Variants in RNF217 observed in about 807,000 individuals in gnomAD.
The protein encoded by RNF217 is ring finger protein 217.
Under a neutral mutation model 57.8 loss-of-function variants are expected in RNF217, and 31 were observed. The ratio of observed to expected loss-of-function variants is 0.54; its 90% confidence interval spans 0.40 to 0.72. RNF217 has a LOEUF of 0.72. Among genes scored for constraint, RNF217 ranks in the 30% least tolerant of loss-of-function variants. RNF217 has a pLI of 0.00. For synonymous variants in RNF217, 313 were observed against 294.0 expected (o/e 1.06, Z -0.66); for missense variants, 696 against 708.3 (o/e 0.98, Z 0.20).
rs1582794033 is a variant in RNF217 at position 125,090,183 on chromosome 6, T to C, written c.*7246T>C. On this transcript the variant is annotated 3_prime_UTR_variant, in exon 6 of 6. Coordinates refer to ENST00000521654, the MANE Select transcript of RNF217 (RefSeq NM_001286398.3). ...CATAGAATAATAATTAGTTTGTATA[T>C]ATATAAAACCATTTACCTTGACAAG... 1 of 152,136 alleles carries C rather than the reference T, an allele frequency of 6.6e-6. No homozygotes were observed. The highest frequency in any genetic ancestry group is 1.9e-4 in the East Asian group (1 of 5,194). The allele number at this position is 152,136 out of a possible 1,614,324, so 9.4% of individuals were successfully genotyped here.
At chr6:125,049,183 T>TA (rs1052366814) in intron 2 of RNF217, among the ~76,000 whole-genome samples, 15 of 151,928 alleles carry the variant, frequency 9.9e-5, no homozygotes, top group Non-Finnish European at 1.8e-4. Flanking sequence ...GATGGAGAAA[T>TA]AAAAAAATGT....
At position 124,962,962 on chromosome 6, in the gene RNF217, G is replaced by T. The variant is rs1331066463; in HGVS notation, c.418G>T (p.Gly140Trp). The T allele has an allele frequency of 1.3e-6, 2 of 1,597,216 alleles. No individual in the cohort carries two copies. The highest frequency in any genetic ancestry group is 1.3e-5 in the African/African-American group (1 of 74,908). The change falls in exon 1 of 6, where the codon GGG becomes TGG. Residue 140 changes from glycine (G) to tryptophan (W), a missense_variant. Around this residue, in one of 2 missense-constraint regions of RNF217, gnomAD observed 465 missense variants for 386.8 expected, o/e 1.20. Transcript: ENST00000521654. This position sits in a 1 kb window ranked among gnomAD's most constrained non-coding sequence, Gnocchi z 4.6. ...AGAGCTGGAGCCCAGGACCCGCGTG[G>T]GGGCCGCCGACGGACTGGTCCTGGA... ...GEELEPRTRV[G>W]AADGLVLDVL...
rs878934996 is a variant in RNF217, at chr6:124,963,420, C to T, written c.876C>T (p.Ser292=). 1.1e-5 allele frequency: 16 copies of T among 1,460,088 alleles called. No individual in the cohort carries two copies. The South Asian group carries it at 1.4e-4, about 13-fold the overall frequency. The allele number at this position is 1,460,088 out of a possible 1,614,324, so 90.4% of individuals were successfully genotyped here. A position where few individuals can be genotyped will look rare whatever the true frequency, so the allele number is the denominator to read the frequency against. The part of the protein sequence containing the change: ...VCEECLKVYL[S]AQVQLGQVEI... ...AGGAGTGCCTCAAAGTCTACCTGAG[C>T]GCCCAGGTAACTTCACCCCCTTCTC... Residue 292 remains serine, a synonymous_variant, in exon 1 of 6, where the codon AGC becomes AGT. Coordinates refer to ENST00000521654, the MANE Select transcript of RNF217 (RefSeq NM_001286398.3).
intron 3 of RNF217, among the ~76,000 whole-genome samples, chr6:125,072,909 T>G (rs1183946102): frequency 6.6e-6 from 1 of 152,194 alleles, no homozygotes; most frequent in African/African-American, 2.4e-5. Flanking sequence ...GCAGATTACT[T>G]TTCTGAACTC....
Position 125,092,072 on chromosome 6 carries a change from A to G in RNF217, c.*9135A>G, listed in dbSNP as rs1278788489. 6.6e-6 allele frequency: 1 copy of G among 151,494 alleles called. No individual in the cohort carries two copies. The highest frequency in any genetic ancestry group is 1.5e-5 in the Non-Finnish European group (1 of 67,860). 9.4% of individuals were successfully genotyped at this position (151,494 alleles called of 1,614,324 possible). A position where few individuals can be genotyped will look rare whatever the true frequency, so the allele number is the denominator to read the frequency against. On this transcript the variant is annotated 3_prime_UTR_variant, in exon 6 of 6. Transcript: ENST00000521654. Reference sequence around the variant, plus strand: ...AGTTATGTGTAAATATTTGACAAAGAAAAAAAAAGGAAAAGAATCTTCCTG... The same window carrying G: ...AGTTATGTGTAAATATTTGACAAAGGAAAAAAAAGGAAAAGAATCTTCCTG...
intron 3 of RNF217, among the ~76,000 whole-genome samples, chr6:125,059,772 T>C (rs1407174053): frequency 2.0e-5 from 3 of 152,186 alleles, no homozygotes; most frequent in Admixed American, 6.5e-5. Context: ...TTGTAACAAA[T>C]GTAGATAAAC....
chr6:124,963,371 C>G lies in RNF217; in HGVS notation c.827C>G (p.Pro276Arg). The G allele has an allele frequency of 6.6e-7, 1 of 1,520,976 alleles. No individual in the cohort carries two copies. Among genetic ancestry groups the G allele is most frequent in the Non-Finnish European group, 8.8e-7 (1 of 1,140,170 alleles). The allele number at this position is 1,520,976 out of a possible 1,614,324, so 94.2% of individuals were successfully genotyped here. The change falls in exon 1 of 6, where the codon CCT (proline) becomes CGT (arginine). Residue 276 changes from proline (P) to arginine (R), a missense_variant. Coordinates refer to ENST00000521654, the MANE Select transcript of RNF217 (RefSeq NM_001286398.3). ...CLEDKPIKPL[P>R]CCKKAVCEEC... ...GAAGACAAGCCCATCAAGCCCCTGC[C>G]TTGCTGCAAGAAGGCCGTGTGCGAG...
At position 124,979,111 on chromosome 6, in the gene RNF217, G is replaced by A. The variant is rs116255530; in HGVS notation, c.882+15685G>A. Among the ~76,000 whole-genome samples, 1,171 of 152,262 alleles carry A rather than the reference G, an allele frequency of 7.7e-3. 20 individuals carry two copies. Among genetic ancestry groups the A allele is most frequent in the African/African-American group, 0.027 (1,128 of 41,546 alleles). On this transcript the variant is annotated intron_variant, in intron 1 of 5. Coordinates refer to ENST00000521654, the MANE Select transcript of RNF217 (RefSeq NM_001286398.3). ...TCATTGACTCTATCCAGAGCTGGCAGTTTCGTTTTCAGGCTTCAGGCTGTC... is the reference window on the plus strand; with the variant it reads ...TCATTGACTCTATCCAGAGCTGGCAATTTCGTTTTCAGGCTTCAGGCTGTC...
rs1219871084 is a variant in RNF217, at chr6:125,091,785, C to G, written c.*8848C>G. ...CAATATTTTGTCAGTAATATACTTTCATACAGATGCTAGAGAACCATGGTG... is the reference window on the plus strand; with the variant it reads ...CAATATTTTGTCAGTAATATACTTTGATACAGATGCTAGAGAACCATGGTG... On this transcript the variant is annotated 3_prime_UTR_variant, in exon 6 of 6. Transcript: ENST00000521654. 2.0e-5 allele frequency: 3 copies of G among 152,174 alleles called. No individual in the cohort carries two copies. The highest frequency in any genetic ancestry group is 4.4e-5 in the Non-Finnish European group (3 of 68,010). The allele number at this position is 152,174 out of a possible 1,614,324, so 9.4% of individuals were successfully genotyped here.
chr6:125,035,148 G>A (rs1473530298), intron 1 of RNF217, among the ~76,000 whole-genome samples: 2 of 152,252 alleles, frequency 1.3e-5, no homozygotes, highest in Non-Finnish European at 2.9e-5. Context: ...TGCAAACAGG[G>A]ACAATTTGAC....
rs2114668595 is a variant in RNF217, at chr6:125,086,174, T to A, written c.*3237T>A. On this transcript the variant is annotated 3_prime_UTR_variant, in exon 6 of 6. Coordinates refer to ENST00000521654, the MANE Select transcript of RNF217 (RefSeq NM_001286398.3). ...TCAGGAGATGAGGTCATAGAGATAA[T>A]ATGAGACCCTTTTTTGGATAAAAAG... 6.6e-6 allele frequency: 1 copy of A among 152,104 alleles called. No individual in the cohort carries two copies. The highest frequency in any genetic ancestry group is 6.6e-5 in the Admixed American group (1 of 15,266). The allele number at this position is 152,104 out of a possible 1,614,324, so 9.4% of individuals were successfully genotyped here.
chr6:124,978,812 A>C (rs1370397623), intron 1 of RNF217, among the ~76,000 whole-genome samples: 2 of 152,180 alleles, frequency 1.3e-5, no homozygotes, highest in Admixed American at 1.3e-4. Context: ...AGGTACGTGG[A>C]CACATGGACA....
At chr6:125,082,486 TAGAACC>T (rs1384104765) in intron 5 of RNF217, 1 of 1,612,430 alleles carries the variant, frequency 6.2e-7, no homozygotes, top group Admixed American at 1.7e-5. Flanking sequence ...TCATAAGTGG[TAGAACC>T]AGGAATCAAA....
chr6:125,081,726 C>A (rs1788583205), intron 5 of RNF217, among the ~76,000 whole-genome samples: 1 of 152,054 alleles, frequency 6.6e-6, no homozygotes, highest in African/African-American at 2.4e-5. Context: ...CACTGTGATT[C>A]ATGTACCTTA....
chr6:125,062,783 A>ACCAG (rs994291453), intron 3 of RNF217, among the ~76,000 whole-genome samples: 1 of 151,980 alleles, frequency 6.6e-6, no homozygotes, highest in African/African-American at 2.4e-5. Context: ...CACCACGTTG[A>ACCAG]CCAGCTTATC....
Position 125,058,001 on chromosome 6 carries a change from A to G in RNF217, c.1176A>G (p.Glu392=). Residue 392 remains glutamate, a synonymous_variant, in exon 3 of 6, where the codon GAA becomes GAG. Transcript: ENST00000521654. ...TTAAGTGCCACTCTCCTTGGCATGA[A>G]GGTGTTAACTGCAAGGAGTACAAAA... ...WCFKCHSPWH[E]GVNCKEYKKG... 1.2e-6 allele frequency: 2 copies of G among 1,613,000 alleles called. No homozygotes were observed.
At chr6:125,062,773 C>T (rs1787785789) in intron 3 of RNF217, among the ~76,000 whole-genome samples, 1 of 152,108 alleles carries the variant, frequency 6.6e-6, no homozygotes. Flanking sequence ...GACGAGGTTT[C>T]ACCACGTTGA....
chr6:125,013,160 A>G (rs1785472149), intron 1 of RNF217, among the ~76,000 whole-genome samples: 1 of 152,062 alleles, frequency 6.6e-6, no homozygotes, highest in South Asian at 2.1e-4. Flanking sequence ...GGTTCTGGGG[A>G]TATAGCAGTT....
intron 1 of RNF217, among the ~76,000 whole-genome samples, chr6:124,973,482 C>G (rs989585779): frequency 6.6e-6 from 1 of 152,178 alleles, no homozygotes; most frequent in Non-Finnish European, 1.5e-5. Context: ...ACTTTCATAA[C>G]TAGCACCTGG....
Sources: gnomAD v4.1 joint callset for allele counts (sites outside exome capture counted in the v4.1 genomes callset) on GRCh38, gnomAD v4.1.1 for gene constraint, gnomAD v4.1.1 regional missense constraint, Gnocchi (gnomAD v3.1) non-coding constraint, MANE v1.5 for transcripts, NCBI Gene and HGNC (gene_info 2026-07-23, HGNC 2026-07-21) for gene names.